CCDC144A: variants seen among roughly 807,000 people sequenced by gnomAD.
CCDC144A encodes coiled-coil domain containing 144A.
A neutral mutation model predicts 143.8 loss-of-function variants in CCDC144A; 41 were observed. The ratio of observed to expected loss-of-function variants is 0.29; its 90% CI spans 0.22 to 0.37. CCDC144A has a LOEUF of 0.37. CCDC144A is among the 10% of genes least tolerant of loss of function. CCDC144A has a pLI of 1.00. For missense variants in CCDC144A, 637 were observed against 1,488.8 expected, an observed-to-expected ratio of 0.43 and a Z score of 9.41; for synonymous variants, 242 against 517.9, an observed-to-expected ratio of 0.47 and a Z score of 7.23.
the CCDC144A span, among the ~76,000 whole-genome samples, chr17:16,668,091 A>T: frequency 6.8e-6 from 1 of 147,338 alleles, no homozygotes; most frequent in Non-Finnish European, 1.5e-5. Context: ...CATGTTTGGA[A>T]TTGTCTTCAT....
At chr17:16,684,595 A>G (rs1910715186), upstream of CCDC144A, among the ~76,000 whole-genome samples, 1 of 151,756 alleles carries the variant, frequency 6.6e-6, no homozygotes, top group African/African-American at 2.4e-5. Flanking sequence ...CTGAAGTTGC[A>G]GTGAGCTGAG....
At chr17:16,668,910 A>G in the CCDC144A span, among the ~76,000 whole-genome samples, 1 of 152,104 alleles carries the variant, frequency 6.6e-6, no homozygotes, top group Non-Finnish European at 1.5e-5. Flanking sequence ...ATGTAAACCT[A>G]ATTACCTTCA....
intron 2 of CCDC144A, among the ~76,000 whole-genome samples, chr17:16,697,471 TAA>T (rs1369513912): frequency 7.2e-5 from 11 of 152,036 alleles, no homozygotes; most frequent in Non-Finnish European, 2.9e-5. Context: ...GATAACCACA[TAA>T]AGAGACAGGG....
At chr17:16,674,958 A>T in the CCDC144A span, among the ~76,000 whole-genome samples, 1 of 152,060 alleles carries the variant, frequency 6.6e-6, no homozygotes, top group Non-Finnish European at 1.5e-5. Flanking sequence ...TATATATTTT[A>T]AAATGTTACC....
chr17:16,717,565 T>C (rs1447459000), intron 6 of CCDC144A, among the ~76,000 whole-genome samples: 1 of 152,228 alleles, frequency 6.6e-6, no homozygotes, highest in African/African-American at 2.4e-5. Flanking sequence ...CTCTATTTTT[T>C]CCCTGGTGAG....
chr17:16,690,275 C>T lies in CCDC144A; in HGVS notation c.-126C>T, dbSNP rs1345761538. On this transcript the variant is annotated 5_prime_UTR_variant, in exon 1 of 17. Coordinates refer to ENST00000399273, the MANE Select transcript of CCDC144A (RefSeq NM_001382000.1). ...CGGTGGCTGTTGGCTTGGCGGTGGT[C>T]GCTTGGCTTGGCGTGGCAGTGATCG... is the stretch of plus-strand genomic sequence containing the variant. The T allele has an allele frequency of 3.1e-6, 2 of 643,908 alleles. No individual in the cohort carries two copies. Among genetic ancestry groups the T allele is most frequent in the East Asian group, 2.9e-5 (1 of 34,246 alleles). 39.9% of individuals were successfully genotyped at this position (643,908 alleles called of 1,614,324 possible). A position where few individuals can be genotyped will look rare whatever the true frequency, so the allele number is the denominator to read the frequency against.
chr17:16,670,993 CTT>C, the CCDC144A span, among the ~76,000 whole-genome samples: 5 of 146,770 alleles, frequency 3.4e-5, no homozygotes, highest in South Asian at 2.2e-4. Flanking sequence ...TATATTATCA[CTT>C]TTTTTTTTTT....
intron 3 of CCDC144A, chr17:16,707,125 A>ATGC (rs1448017198): frequency 2.2e-5 from 5 of 231,190 alleles, no homozygotes; most frequent in Non-Finnish European, 4.2e-5. Context: ...GGAGAACAGT[A>ATGC]TGCAGCATTG....
intron 12 of CCDC144A, among the ~76,000 whole-genome samples, chr17:16,756,925 G>A (rs1326119468): frequency 1.3e-5 from 2 of 152,250 alleles, no homozygotes; most frequent in Admixed American, 1.3e-4. Context: ...GTGGCTTACG[G>A]TGTGGTTGTT....
At chr17:16,667,294 C>A in the CCDC144A span, among the ~76,000 whole-genome samples, 252 of 123,410 alleles carry the variant, frequency 2.0e-3, no homozygotes, top group East Asian at 0.014. Flanking sequence ...GGGGTTGAGG[C>A]GGCTGAGGCG....
chr17:16,714,821 C>G (rs1462162397), intron 6 of CCDC144A, among the ~76,000 whole-genome samples: 7 of 151,976 alleles, frequency 4.6e-5, no homozygotes, highest in East Asian at 3.9e-4. Context: ...GCCCTGTTCT[C>G]TCTCTCACTT....
intron 6 of CCDC144A, among the ~76,000 whole-genome samples, chr17:16,718,392 A>G (rs1423906272): frequency 6.6e-6 from 1 of 152,130 alleles, no homozygotes; most frequent in Non-Finnish European, 1.5e-5. Context: ...CAAGGATAAC[A>G]TGTTTATGAG....
chr17:16,679,432 A>G, the CCDC144A span, among the ~76,000 whole-genome samples: 201 of 152,266 alleles, frequency 1.3e-3, 1 homozygote, highest in African/African-American at 4.7e-3. Context: ...ATATCAAATG[A>G]TGAACCAATC....
intron 5 of CCDC144A, among the ~76,000 whole-genome samples, chr17:16,709,898 C>T (rs1567589246): frequency 6.6e-6 from 1 of 152,168 alleles, no homozygotes; most frequent in Admixed American, 6.5e-5. Flanking sequence ...TATCATGTGA[C>T]CTTCAGAACC....
rs1189652984 is a variant in CCDC144A, at chr17:16,772,035, T to G, written c.4141+16T>G. 39 of 1,522,570 alleles carry G rather than the reference T, an allele frequency of 2.6e-5. No homozygotes were observed. The highest frequency in any genetic ancestry group is 3.5e-5 in the Non-Finnish European group (39 of 1,124,820). 94.3% of individuals were successfully genotyped at this position (1,522,570 alleles called of 1,614,324 possible). A position where few individuals can be genotyped will look rare whatever the true frequency, so the allele number is the denominator to read the frequency against. On this transcript the variant is annotated intron_variant, in intron 16 of 16. Transcript: ENST00000399273. Reference sequence around the variant, plus strand: ...GAAGTAGCAGGTATGTTACCAAAATTTATGAATTAAATTTAGATTAAGTAA... The same window carrying G: ...GAAGTAGCAGGTATGTTACCAAAATGTATGAATTAAATTTAGATTAAGTAA...
rs562909488 is a variant in CCDC144A, at chr17:16,709,651, C to A, written c.1578+16C>A. 81 of 1,604,824 alleles carry A rather than the reference C, an allele frequency of 5.0e-5. No individual in the cohort carries two copies. The highest frequency in any genetic ancestry group is 6.7e-5 in the Non-Finnish European group (79 of 1,178,036). ...TCATAAAGATGTAGGGTTTTACTTGCTGCCACTCTTTGTTTTTTCTCTCAA... is the reference window on the plus strand; with the variant it reads ...TCATAAAGATGTAGGGTTTTACTTGATGCCACTCTTTGTTTTTTCTCTCAA... On this transcript the variant is annotated intron_variant, in intron 5 of 16. Transcript: ENST00000399273.
intron 12 of CCDC144A, chr17:16,737,535 C>T: frequency 7.9e-7 from 1 of 1,264,244 alleles, no homozygotes; most frequent in Non-Finnish European, 1.0e-6. Context: ...AATACCTTCA[C>T]AGGTAGTTAT....
intron 15 of CCDC144A, among the ~76,000 whole-genome samples, chr17:16,769,530 T>C (rs1354952986): frequency 2.6e-5 from 4 of 152,244 alleles, no homozygotes; most frequent in Non-Finnish European, 5.9e-5. Context: ...ACTTGATTGA[T>C]TTTCCTAAAC....
chr17:16,669,479 C>A, the CCDC144A span, among the ~76,000 whole-genome samples: 1 of 152,186 alleles, frequency 6.6e-6, no homozygotes, highest in Non-Finnish European at 1.5e-5. Context: ...CTTTTGATAG[C>A]ATTTTAACCC....
Sources: allele counts gnomAD v4.1 joint callset (sites outside exome capture counted in the v4.1 genomes callset), GRCh38; gene constraint gnomAD v4.1.1; transcripts MANE v1.5; gene names NCBI Gene and HGNC (gene_info 2026-07-23, HGNC 2026-07-21).